ROBO1: variants seen among roughly 807,000 people sequenced by gnomAD.
ROBO1 encodes roundabout guidance receptor 1.
A neutral mutation model predicts 195.9 loss-of-function variants in ROBO1; 149 were observed. That is an observed-to-expected ratio of 0.76 (90% CI 0.67 to 0.87). The LOEUF is 0.87. Ranked by LOEUF, ROBO1 falls within the 40% of genes least tolerant of loss-of-function variation. The probability of loss-of-function intolerance (pLI) is 0.00; values close to 1 mark genes in which losing one functional copy is unlikely to be tolerated. For missense variants in ROBO1, 1,933 were observed against 2,068.3 expected (o/e 0.93, Z 1.27); for synonymous variants, 816 against 733.2 (o/e 1.11, Z -1.82).
At chr3:79,735,579 G>A (rs982499928) in intron 1 of ROBO1, among the ~76,000 whole-genome samples, 1 of 152,034 alleles carries the variant, frequency 6.6e-6, no homozygotes, top group African/African-American at 2.4e-5. Flanking sequence ...TTGCAAAAAG[G>A]TCTGACACTG....
At chr3:79,163,654 G>A (rs1306820931) in intron 2 of ROBO1, among the ~76,000 whole-genome samples, 1 of 151,932 alleles carries the variant, frequency 6.6e-6, no homozygotes, top group East Asian at 1.9e-4. Context: ...AGTGCACAAG[G>A]GTTCCAATTT....
At chr3:79,319,033 G>A (rs1032012167) in intron 2 of ROBO1, among the ~76,000 whole-genome samples, 3 of 152,120 alleles carry the variant, frequency 2.0e-5, no homozygotes, top group Non-Finnish European at 2.9e-5. Context: ...GCTAAATTTT[G>A]TAGTAGTGAA....
intron 6 of ROBO1, 116 bp downstream of exon 6, chr3:78,717,647 T>C: frequency 1.7e-6 from 2 of 1,201,800 alleles, no homozygotes; most frequent in Non-Finnish European, 2.3e-6. Flanking sequence ...CTCTCCTCTT[T>C]CTACCCACCC....
At chr3:79,032,855 T>C (rs62257534) in intron 3 of ROBO1, among the ~76,000 whole-genome samples, 17,524 of 152,036 alleles carry the variant, frequency 0.12, 1,304 homozygotes, top group East Asian at 0.16. Flanking sequence ...CCCTCCCCTA[T>C]GAAATGTTTC....
chr3:79,652,402 A>G (rs1446378303), intron 1 of ROBO1, among the ~76,000 whole-genome samples: 1 of 152,136 alleles, frequency 6.6e-6, no homozygotes, highest in Admixed American at 6.6e-5. Flanking sequence ...TCAGTAAACT[A>G]CACTGCAAAA....
rs1380216117 is a variant in ROBO1 at position 78,598,858 on chromosome 3, G to A, written c.*55C>T. On this transcript the variant is annotated 3_prime_UTR_variant, in exon 31 of 31. Coordinates refer to ENST00000464233, the MANE Select transcript of ROBO1 (RefSeq NM_002941.4). ...TCTGGCGTCATGTGTCATCTGACAG[G>A]AGGCATCTTGAGTGATGATTTTCAC... 51 of 1,251,390 alleles carry A rather than the reference G, an allele frequency of 4.1e-5. No individual in the cohort carries two copies. Among genetic ancestry groups the A allele is most frequent in the Non-Finnish European group, 5.8e-5 (51 of 886,120 alleles). The allele number at this position is 1,251,390 out of a possible 1,614,324, so 77.5% of individuals were successfully genotyped here.
intron 3 of ROBO1, among the ~76,000 whole-genome samples, chr3:79,043,080 CTAATT>C (rs1469817222): frequency 6.6e-6 from 1 of 152,088 alleles, no homozygotes; most frequent in Non-Finnish European, 1.5e-5. Flanking sequence ...AAAAATTACA[CTAATT>C]TAACATTTTA....
At chr3:79,210,707 T>C (rs904792515) in intron 2 of ROBO1, among the ~76,000 whole-genome samples, 2 of 152,170 alleles carry the variant, frequency 1.3e-5, no homozygotes, top group Admixed American at 6.5e-5. Flanking sequence ...GCTAAGATTT[T>C]TTTTTTGAAG....
chr3:79,564,050 A>T (rs1943012568), intron 2 of ROBO1, among the ~76,000 whole-genome samples: 1 of 151,910 alleles, frequency 6.6e-6, no homozygotes, highest in South Asian at 2.1e-4. Flanking sequence ...AAAAAACATA[A>T]TGAAAGGTGG....
chr3:79,050,992 TA>T (rs2078685937), intron 3 of ROBO1, among the ~76,000 whole-genome samples: 1 of 151,862 alleles, frequency 6.6e-6, no homozygotes, highest in Non-Finnish European at 1.5e-5. Context: ...ACATCACAAT[TA>T]AAAGAACTGA....
intron 14 of ROBO1, among the ~76,000 whole-genome samples, chr3:78,662,722 G>T (rs1378435074): frequency 2.0e-5 from 3 of 152,092 alleles, no homozygotes; most frequent in African/African-American, 7.2e-5. Flanking sequence ...TTAGACTCAT[G>T]AGAAAAAAGT....
At chr3:79,644,368 T>C (rs1453102083) in intron 1 of ROBO1, among the ~76,000 whole-genome samples, 1 of 152,148 alleles carries the variant, frequency 6.6e-6, no homozygotes, top group Non-Finnish European at 1.5e-5. Context: ...TTCATGCTTC[T>C]GATAAAGACA....
intron 1 of ROBO1, among the ~76,000 whole-genome samples, chr3:79,694,773 A>T (rs1947394369): frequency 6.6e-6 from 1 of 151,774 alleles, no homozygotes; most frequent in African/African-American, 2.4e-5. Context: ...ATTTCTTCAT[A>T]TTAACAAGTG....
chr3:78,650,633 T>C (rs1253677191), intron 19 of ROBO1, among the ~76,000 whole-genome samples: 2 of 152,198 alleles, frequency 1.3e-5, no homozygotes, highest in East Asian at 3.9e-4. Context: ...GTAAGAAATG[T>C]TCACTTATGT....
chr3:79,212,856 A>T (rs1329242373), intron 2 of ROBO1, among the ~76,000 whole-genome samples: 1 of 151,768 alleles, frequency 6.6e-6, no homozygotes, highest in East Asian at 1.9e-4. Flanking sequence ...ATAAAATAAA[A>T]TAAAATAAAA....
intron 2 of ROBO1, among the ~76,000 whole-genome samples, chr3:79,496,619 C>G (rs1939762058): frequency 1.3e-5 from 2 of 149,570 alleles, no homozygotes; most frequent in Non-Finnish European, 3.0e-5. Context: ...GATCTCCTGA[C>G]CTCATGATCC....
Position 79,679,001 on chromosome 3 carries a change from G to T in ROBO1, c.-51+88751C>A, listed in dbSNP as rs923238486. On this transcript the variant is annotated intron_variant, in intron 1 of 30. Coordinates refer to ENST00000464233, the MANE Select transcript of ROBO1 (RefSeq NM_002941.4). ...TTAATTTTTTTCTTTTTTTAATTACGCAAATAATGTGTGAAAATATTCTCA... is the reference window on the plus strand; with the variant it reads ...TTAATTTTTTTCTTTTTTTAATTACTCAAATAATGTGTGAAAATATTCTCA... 5.3e-5 allele frequency among the ~76,000 whole-genome samples: 8 copies of T among 151,634 alleles called. No homozygotes were observed. In the South Asian group the frequency reaches 8.3e-4, roughly 16 times the overall value.
At chr3:79,386,965 C>G (rs1241896488) in intron 2 of ROBO1, among the ~76,000 whole-genome samples, 3 of 152,068 alleles carry the variant, frequency 2.0e-5, no homozygotes, top group Admixed American at 6.6e-5. Flanking sequence ...ACTTCTCAGC[C>G]AGGGATATGT....
intron 10 of ROBO1, among the ~76,000 whole-genome samples, chr3:78,674,785 T>G (rs1275546465): frequency 1.3e-5 from 2 of 152,184 alleles, no homozygotes. Context: ...TTATAAAAAT[T>G]GGAGATATTT....
Sources: gnomAD v4.1 joint callset for allele counts (sites outside exome capture counted in the v4.1 genomes callset) on GRCh38, gnomAD v4.1.1 for gene constraint, MANE v1.5 for transcripts, NCBI Gene and HGNC (gene_info 2026-07-23, HGNC 2026-07-21) for gene names.